CFDP1: variants seen among roughly 807,000 people sequenced by gnomAD.
CFDP1 encodes the protein heterochromatin-stabilizing protein CFDP1.
In CFDP1, 31 loss-of-function variants were observed where a neutral mutation model predicts 40.1. That is an observed-to-expected ratio of 0.77 (90% confidence interval 0.58 to 1.04). The LOEUF (loss-of-function observed/expected upper bound fraction) is 1.04, where lower values mean the gene tolerates loss of function less well. Ranked by LOEUF, CFDP1 falls within the 50% of genes least tolerant of loss-of-function variation. CFDP1 has a pLI of 0.00. For synonymous variants in CFDP1, 167 were observed against 120.0 expected (o/e 1.39, Z -2.56); for missense variants, 423 against 343.4 (o/e 1.23, Z -1.83).
At chr16:75,415,025 C>G (rs183028236) in intron 1 of CFDP1, among the ~76,000 whole-genome samples, 2 of 152,148 alleles carry the variant, frequency 1.3e-5, no homozygotes, top group African/African-American at 4.8e-5. Flanking sequence ...TAAGTATTCA[C>G]TAAATGAATG....
chr16:75,306,913 ACACT>A (rs1459834649), intron 5 of CFDP1, among the ~76,000 whole-genome samples: 2 of 151,224 alleles, frequency 1.3e-5, no homozygotes, highest in Non-Finnish European at 2.9e-5. Context: ...GCACACACAC[ACACT>A]TTCTTTTTCA....
intron 3 of CFDP1, 74 bp from the exon 4 acceptor site, chr16:75,412,026 TTTTC>T: frequency 6.8e-7 from 1 of 1,472,184 alleles, no homozygotes; most frequent in Non-Finnish European, 9.0e-7. Flanking sequence ...TTTTATTTTT[TTTTC>T]TTTGAGATAG....
intron 5 of CFDP1, among the ~76,000 whole-genome samples, chr16:75,316,999 T>C (rs1056632871): frequency 4.0e-5 from 6 of 151,590 alleles, no homozygotes; most frequent in Admixed American, 3.9e-4. Context: ...AGATAATAAA[T>C]AAATAAATAA....
At chr16:75,421,542 C>A (rs1379525219) in intron 1 of CFDP1, among the ~76,000 whole-genome samples, 1 of 152,154 alleles carries the variant, frequency 6.6e-6, no homozygotes, top group African/African-American at 2.4e-5. Flanking sequence ...AGACTCAGAG[C>A]TTCCAATAAC....
At chr16:75,297,524 C>T (rs372700209) in intron 6 of CFDP1, among the ~76,000 whole-genome samples, 2 of 152,148 alleles carry the variant, frequency 1.3e-5, no homozygotes, top group African/African-American at 2.4e-5. Context: ...CACCTGAGGA[C>T]AAGTGCAATG....
At chr16:75,294,411 C>G (rs1649556188) in intron 6 of CFDP1, among the ~76,000 whole-genome samples, 1 of 152,152 alleles carries the variant, frequency 6.6e-6, no homozygotes, top group Non-Finnish European at 1.5e-5. Context: ...CCTCACTTTT[C>G]TCTACAGCAG....
At chr16:75,354,470 G>A (rs574557729) in intron 5 of CFDP1, among the ~76,000 whole-genome samples, 1 of 152,024 alleles carries the variant, frequency 6.6e-6, no homozygotes, top group African/African-American at 2.4e-5. Flanking sequence ...ATGAGCATGA[G>A]GTTCACAGCC....
At chr16:75,393,788 G>A (rs756657621) in intron 5 of CFDP1, among the ~76,000 whole-genome samples, 9 of 141,524 alleles carry the variant, frequency 6.4e-5, no homozygotes, top group Non-Finnish European at 1.2e-4. Context: ...GGCCGGGCCC[G>A]GTGGCTCACG....
intron 5 of CFDP1, among the ~76,000 whole-genome samples, chr16:75,329,392 C>T (rs1159310723): frequency 6.6e-6 from 1 of 152,124 alleles, no homozygotes; most frequent in Non-Finnish European, 1.5e-5. Flanking sequence ...GGCAATTGTA[C>T]AGTACATTCT....
intron 5 of CFDP1, among the ~76,000 whole-genome samples, chr16:75,383,454 A>AT (rs2078867649): frequency 2.6e-5 from 4 of 152,348 alleles, no homozygotes; most frequent in Admixed American, 2.6e-4. Flanking sequence ...ATGTTAAAAC[A>AT]TTTTGAGATA....
intron 5 of CFDP1, among the ~76,000 whole-genome samples, chr16:75,393,732 C>G: frequency 1.7e-5 from 1 of 57,840 alleles, no homozygotes; most frequent in Non-Finnish European, 3.0e-5. Context: ...AGCGAGACTC[C>G]GTCGCAAAAA....
chr16:75,318,880 C>T (rs1261886486), intron 5 of CFDP1, among the ~76,000 whole-genome samples: 7 of 152,110 alleles, frequency 4.6e-5, no homozygotes, highest in Admixed American at 2.0e-4. Flanking sequence ...CAGGGGTGTC[C>T]TCAGTCAAAT....
chr16:75,425,321 A>G (rs2079325708), intron 1 of CFDP1, among the ~76,000 whole-genome samples: 1 of 140,564 alleles, frequency 7.1e-6, no homozygotes, highest in Non-Finnish European at 1.5e-5. Flanking sequence ...TGGGAGGTAG[A>G]GGTTGCAGTG....
chr16:75,320,399 A>G (rs1359699453), intron 5 of CFDP1, among the ~76,000 whole-genome samples: 1 of 152,222 alleles, frequency 6.6e-6, no homozygotes, highest in African/African-American at 2.4e-5. Flanking sequence ...CTGCTGAAAC[A>G]AAGTTGGCTG....
chr16:75,343,084 A>G (rs972922237), intron 5 of CFDP1, among the ~76,000 whole-genome samples: 1 of 152,190 alleles, frequency 6.6e-6, no homozygotes, highest in African/African-American at 2.4e-5. Context: ...GGTCAGGACT[A>G]TTAGTGAACA....
intron 1 of CFDP1, chr16:75,419,289 TG>T (rs2079249464): frequency 6.4e-6 from 1 of 155,902 alleles, no homozygotes. Context: ...AAAAAAAATT[TG>T]TACCATTTTA....
At position 75,433,474 on chromosome 16, in the gene CFDP1, A is replaced by G; in HGVS notation, c.-122T>C. 1.1e-6 allele frequency: 1 copy of G among 872,600 alleles called. No homozygotes were observed. The allele number at this position is 872,600 out of a possible 1,614,324, so 54.1% of individuals were successfully genotyped here. ...GACGGCAGCTAGGGCGGCCCCCGAC[A>G]GCGCTTTGCACATGCGCAGAGAGTA... On this transcript the variant is annotated 5_prime_UTR_variant, in exon 1 of 7. Transcript: ENST00000283882.
chr16:75,315,331 C>CAAAAAAAAAAAAAAA (rs758174791), intron 5 of CFDP1, among the ~76,000 whole-genome samples: 1 of 47,796 alleles, frequency 2.1e-5, no homozygotes, highest in Non-Finnish European at 3.4e-5. Context: ...GACCCTATCT[C>CAAAAAAAAAAAAAAA]AAAAAAAAAA....
At chr16:75,407,630 G>A (rs1163311500) in intron 4 of CFDP1, among the ~76,000 whole-genome samples, 1 of 123,116 alleles carries the variant, frequency 8.1e-6, no homozygotes, top group Non-Finnish European at 1.6e-5. Context: ...AGGCTAGCGT[G>A]AATGACAGAG....
Sources: allele counts gnomAD v4.1 joint callset (sites outside exome capture counted in the v4.1 genomes callset), GRCh38; gene constraint gnomAD v4.1.1; transcripts MANE v1.5; gene names NCBI Gene and HGNC (gene_info 2026-07-23, HGNC 2026-07-21).